SLCO3A1: variants seen among roughly 807,000 people sequenced by gnomAD.
The protein encoded by SLCO3A1 is solute carrier organic anion transporter family member 3A1.
Under a neutral mutation model 63.1 loss-of-function variants are expected in SLCO3A1, and 27 were observed. The ratio of observed to expected loss-of-function variants is 0.43; its 90% confidence interval spans 0.32 to 0.59. SLCO3A1 has a LOEUF of 0.59. Ranked by LOEUF, SLCO3A1 falls within the 20% of genes least tolerant of loss-of-function variation. The pLI, the probability that SLCO3A1 is intolerant of heterozygous loss-of-function variation, is 0.09. For missense variants in SLCO3A1, 773 were observed against 945.8 expected, an observed-to-expected ratio of 0.82 and a Z score of 2.40; for synonymous variants, 473 against 409.9, an observed-to-expected ratio of 1.15 and a Z score of -1.86.
At chr15:92,001,297 CA>C (rs2046252081) in intron 2 of SLCO3A1, among the ~76,000 whole-genome samples, 1 of 152,106 alleles carries the variant, frequency 6.6e-6, no homozygotes, top group African/African-American at 2.4e-5. Context: ...GGGAATGCCT[CA>C]ATGGGCAAGG....
At chr15:91,996,494 A>G (rs2046193642) in intron 2 of SLCO3A1, among the ~76,000 whole-genome samples, 1 of 152,166 alleles carries the variant, frequency 6.6e-6, no homozygotes, top group African/African-American at 2.4e-5. Context: ...ACTATATAAG[A>G]TAACTCTAAA....
chr15:92,111,649 G>C (rs2047730833), intron 4 of SLCO3A1, among the ~76,000 whole-genome samples: 2 of 152,150 alleles, frequency 1.3e-5, no homozygotes, highest in South Asian at 4.2e-4. Flanking sequence ...GCACCGGAGG[G>C]ATAGGTCCAT....
chr15:92,019,453 C>T (rs541332452), intron 2 of SLCO3A1, among the ~76,000 whole-genome samples: 1 of 152,332 alleles, frequency 6.6e-6, no homozygotes, highest in East Asian at 1.9e-4. Flanking sequence ...GAGGCTTCCT[C>T]CTATTTATAA....
intron 2 of SLCO3A1, among the ~76,000 whole-genome samples, chr15:92,054,774 C>G (rs2047002293): frequency 6.6e-6 from 1 of 152,174 alleles, no homozygotes; most frequent in Non-Finnish European, 1.5e-5. Flanking sequence ...CTGCAAAGGA[C>G]ATGATCTTGT....
chr15:91,861,323 T>C (rs1157076397), intron 1 of SLCO3A1, among the ~76,000 whole-genome samples: 3 of 152,180 alleles, frequency 2.0e-5, no homozygotes, highest in African/African-American at 7.2e-5. Flanking sequence ...AACATTCCCT[T>C]GGATGTACAC....
At chr15:91,918,296 A>C (rs975800249) in intron 2 of SLCO3A1, among the ~76,000 whole-genome samples, 1 of 152,138 alleles carries the variant, frequency 6.6e-6, no homozygotes, top group Non-Finnish European at 1.5e-5. Context: ...ATTTGCATTG[A>C]GTCTTTGGTA....
chr15:91,967,299 A>G lies in SLCO3A1; in HGVS notation c.646+50841A>G, dbSNP rs781743061. On this transcript the variant is annotated intron_variant, in intron 2 of 9. Transcript: ENST00000318445. The surrounding 1 kb of genome is among the most constrained non-coding windows in gnomAD (Gnocchi z 4.4). ...AGTTATCAGAGCATGTTGCAGAGGT[A>G]TAAGAGGAAGCAGAGAGTACTGTTT... Among the ~76,000 whole-genome samples, 1 of 152,226 alleles carries G rather than the reference A, an allele frequency of 6.6e-6. No homozygotes were observed. Among genetic ancestry groups the G allele is most frequent in the African/African-American group, 2.4e-5 (1 of 41,462 alleles).
At chr15:92,020,514 C>G (rs1206231861) in intron 2 of SLCO3A1, among the ~76,000 whole-genome samples, 3 of 152,236 alleles carry the variant, frequency 2.0e-5, no homozygotes, top group Non-Finnish European at 4.4e-5. Flanking sequence ...CATTGAAAAT[C>G]AATCCATTTT....
intron 7 of SLCO3A1, among the ~76,000 whole-genome samples, chr15:92,134,478 C>A (rs1445406387): frequency 6.6e-6 from 1 of 152,064 alleles, no homozygotes; most frequent in Non-Finnish European, 1.5e-5. Flanking sequence ...AGGGAGCACC[C>A]AAAGCAACAC....
chr15:92,040,610 C>G (rs1228245778), intron 2 of SLCO3A1, among the ~76,000 whole-genome samples: 1 of 152,158 alleles, frequency 6.6e-6, no homozygotes, highest in South Asian at 2.1e-4. Flanking sequence ...CCTTCCTCTC[C>G]TAAGAACCTG....
intron 2 of SLCO3A1, among the ~76,000 whole-genome samples, chr15:92,044,237 T>C (rs957869835): frequency 9.9e-5 from 15 of 152,118 alleles, no homozygotes; most frequent in Admixed American, 7.9e-4. Flanking sequence ...CCCACAACTT[T>C]ATCCCTGCCT....
chr15:92,094,840 C>T (rs2047518517), intron 2 of SLCO3A1, 41 bp from the exon 3 acceptor site: 1 of 1,322,488 alleles, frequency 7.6e-7, no homozygotes, highest in Non-Finnish European at 1.1e-6. Context: ...CATCGAATAG[C>T]TTCTGTTTTG....
At chr15:92,142,943 A>C (rs2048153979) in intron 7 of SLCO3A1, among the ~76,000 whole-genome samples, 1 of 152,110 alleles carries the variant, frequency 6.6e-6, no homozygotes, top group Non-Finnish European at 1.5e-5. Flanking sequence ...GCAATTGCAG[A>C]TGACTTGTTA....
chr15:91,936,852 C>T (rs145216158), intron 2 of SLCO3A1, among the ~76,000 whole-genome samples: 6 of 152,062 alleles, frequency 3.9e-5, no homozygotes, highest in Admixed American at 2.6e-4. Flanking sequence ...TTCCTGAGTT[C>T]GATATTCTGT....
intron 7 of SLCO3A1, among the ~76,000 whole-genome samples, chr15:92,137,677 G>A (rs2048076554): frequency 9.2e-6 from 1 of 108,138 alleles, no homozygotes; most frequent in Non-Finnish European, 1.8e-5. Flanking sequence ...TAACTGGTGT[G>A]AGATGGTATC....
chr15:92,059,527 CATT>C (rs2047061436), intron 2 of SLCO3A1, among the ~76,000 whole-genome samples: 1 of 152,176 alleles, frequency 6.6e-6, no homozygotes, highest in Non-Finnish European at 1.5e-5. Flanking sequence ...TCACTTCACT[CATT>C]ATCCCGCCTG....
chr15:91,964,243 C>T (rs760780258), intron 2 of SLCO3A1, among the ~76,000 whole-genome samples: 1 of 152,098 alleles, frequency 6.6e-6, no homozygotes, highest in Non-Finnish European at 1.5e-5. Context: ...CACAAGACTT[C>T]TGTGTGATTG....
chr15:92,090,048 A>G (rs1029519104), intron 2 of SLCO3A1, among the ~76,000 whole-genome samples: 1 of 152,184 alleles, frequency 6.6e-6, no homozygotes, highest in Non-Finnish European at 1.5e-5. Context: ...ATATATATAT[A>G]TTTTAGTCAT....
At chr15:92,112,219 C>G (rs1342398688) in intron 4 of SLCO3A1, among the ~76,000 whole-genome samples, 1 of 152,160 alleles carries the variant, frequency 6.6e-6, no homozygotes, top group Non-Finnish European at 1.5e-5. Context: ...CAGGAATGCC[C>G]AAGACACTGT....
Sources: allele counts gnomAD v4.1 joint callset (sites outside exome capture counted in the v4.1 genomes callset), GRCh38; gene constraint gnomAD v4.1.1; non-coding constraint Gnocchi (gnomAD v3.1); transcripts MANE v1.5; gene names NCBI Gene and HGNC (gene_info 2026-07-23, HGNC 2026-07-21).